IGF1R: variants seen among roughly 807,000 people sequenced by gnomAD.
IGF1R encodes the protein insulin-like growth factor 1 receptor.
A neutral mutation model predicts 144.6 loss-of-function variants in IGF1R; 44 were observed. The observed-to-expected ratio is 0.30, with a 90% confidence interval of 0.24 to 0.39. The LOEUF (loss-of-function observed/expected upper bound fraction) is 0.39. Among genes scored for constraint, IGF1R ranks in the 10% least tolerant of loss-of-function variants. IGF1R has a pLI of 1.00. For synonymous variants in IGF1R, 795 were observed against 722.8 expected (o/e 1.10, Z -1.60); for missense variants, 1,355 against 1,833.7 (o/e 0.74, Z 4.77).
intron 5 of IGF1R, among the ~76,000 whole-genome samples, chr15:98,900,919 A>G (rs562363172): frequency 5.9e-5 from 9 of 152,112 alleles, no homozygotes; most frequent in Admixed American, 5.2e-4. Flanking sequence ...GCTTAATGAT[A>G]TACTTTTTTG....
chr15:98,911,957 A>G (rs891691457), intron 7 of IGF1R, among the ~76,000 whole-genome samples: 6 of 152,226 alleles, frequency 3.9e-5, no homozygotes, highest in Admixed American at 6.5e-5. Context: ...AAAAGTGGAG[A>G]GAGAACAACC....
Position 98,959,897 on chromosome 15 carries a change from TTTA to T in IGF1R, c.*2458_*2460del, listed in dbSNP as rs1350977986. On this transcript the variant is annotated 3_prime_UTR_variant, in exon 21 of 21. Transcript: ENST00000650285. ...ATTATATGTAGGAGTTTTCTTTTAA[TTTA>T]TTTTGTGATAAATTACCAGTTTCAA... 4 of 232,284 alleles carry T rather than the reference TTTA, an allele frequency of 1.7e-5. No homozygotes were observed. Among genetic ancestry groups the T allele is most frequent in the African/African-American group, 9.0e-5 (4 of 44,612 alleles). 14.4% of individuals were successfully genotyped at this position (232,284 alleles called of 1,614,324 possible). A position where few individuals can be genotyped will look rare whatever the true frequency, so the allele number is the denominator to read the frequency against.
At chr15:98,832,086 G>A (rs1428010035) in intron 2 of IGF1R, among the ~76,000 whole-genome samples, 1 of 152,140 alleles carries the variant, frequency 6.6e-6, no homozygotes, top group African/African-American at 2.4e-5. Flanking sequence ...TCTGCTTCTT[G>A]GGTCTGGATC....
intron 2 of IGF1R, among the ~76,000 whole-genome samples, chr15:98,806,729 G>C (rs977905837): frequency 2.0e-5 from 3 of 152,116 alleles, no homozygotes; most frequent in African/African-American, 7.2e-5. Context: ...AGAAACACCC[G>C]TTCTCTGGCA....
intron 1 of IGF1R, among the ~76,000 whole-genome samples, chr15:98,681,854 G>T (rs1245369935): frequency 6.6e-6 from 1 of 152,174 alleles, no homozygotes; most frequent in Non-Finnish European, 1.5e-5. Context: ...TGTTTGCTAT[G>T]TGTGACCAAG....
chr15:98,942,478 C>T (rs1298794826), intron 18 of IGF1R, among the ~76,000 whole-genome samples: 2 of 152,074 alleles, frequency 1.3e-5, no homozygotes, highest in East Asian at 1.9e-4. Flanking sequence ...GGAACACAGG[C>T]GCACACCACC....
intron 2 of IGF1R, among the ~76,000 whole-genome samples, chr15:98,721,507 G>A (rs951634595): frequency 7.2e-5 from 11 of 152,308 alleles, no homozygotes; most frequent in Middle Eastern, 6.8e-3. Context: ...CTTGGGGGAG[G>A]AGGAAGGGAA....
chr15:98,874,396 C>T (rs1473168013), intron 2 of IGF1R, among the ~76,000 whole-genome samples: 1 of 152,122 alleles, frequency 6.6e-6, no homozygotes, highest in East Asian at 1.9e-4. Context: ...TAGGCAGTTT[C>T]AGAATTGGAA....
At chr15:98,661,017 A>C (rs1309798824) in intron 1 of IGF1R, among the ~76,000 whole-genome samples, 1 of 152,188 alleles carries the variant, frequency 6.6e-6, no homozygotes, top group Non-Finnish European at 1.5e-5. Context: ...ACCTTGAGTT[A>C]CAGGGTGGAC....
intron 2 of IGF1R, among the ~76,000 whole-genome samples, chr15:98,738,986 G>GAAAT (rs1555438180): frequency 6.6e-6 from 1 of 151,922 alleles, no homozygotes; most frequent in Non-Finnish European, 1.5e-5. Context: ...GAAACAACAG[G>GAAAT]AAGAACAAAA....
At position 98,727,013 on chromosome 15, in the gene IGF1R, A is replaced by C. The variant is rs566919130; in HGVS notation, c.640+18906A>C. 6.4e-4 allele frequency among the ~76,000 whole-genome samples: 98 copies of C among 152,014 alleles called. 3 individuals are homozygous for C. The South Asian group carries it at 0.02, about 31-fold the overall frequency. ...TGGGATTCTAGGTGTGAGCCGCCAC[A>C]CCTGGCCTGATGAATTATTTTCATG... On this transcript the variant is annotated intron_variant, in intron 2 of 20. Transcript: ENST00000650285.
chr15:98,779,033 T>C (rs1426278654), intron 2 of IGF1R, among the ~76,000 whole-genome samples: 1 of 152,240 alleles, frequency 6.6e-6, no homozygotes, highest in African/African-American at 2.4e-5. Flanking sequence ...TTAAAAATTA[T>C]GTTTTATTCT....
At chr15:98,808,631 C>T (rs1380663669) in intron 2 of IGF1R, among the ~76,000 whole-genome samples, 1 of 151,706 alleles carries the variant, frequency 6.6e-6, no homozygotes, top group Admixed American at 6.6e-5. Flanking sequence ...TCGTGTGGAA[C>T]CTAGGTCCTC....
At chr15:98,835,449 G>A (rs1272731193) in intron 2 of IGF1R, among the ~76,000 whole-genome samples, 4 of 152,216 alleles carry the variant, frequency 2.6e-5, no homozygotes. Context: ...GTGGCTTTAA[G>A]TAGAGATTTT....
rs371697501 is a variant in IGF1R, at chr15:98,865,617, G to GT, written c.641-25701dup. Among the ~76,000 whole-genome samples the GT allele has an allele frequency of 1.0e-3, 156 of 152,332 alleles. 2 individuals are homozygous for GT. Among genetic ancestry groups the GT allele is most frequent in the Non-Finnish European group, 1.3e-3 (88 of 68,020 alleles). ...TTTGGGAAGATATGAACTCCTTGGG[G>GT]TTTTTTTCTCTTTTAATTCTTTAAT... is the stretch of plus-strand genomic sequence containing the variant. On this transcript the variant is annotated intron_variant, in intron 2 of 20. Transcript: ENST00000650285.
intron 2 of IGF1R, among the ~76,000 whole-genome samples, chr15:98,760,394 CTA>C (rs2055265662): frequency 6.6e-6 from 1 of 151,938 alleles, no homozygotes; most frequent in East Asian, 1.9e-4. Context: ...AAAGTAATTA[CTA>C]TAGTGGTGGC....
intron 2 of IGF1R, 34 bp downstream of exon 2, chr15:98,708,141 C>CCT (rs747765995): frequency 5.8e-6 from 9 of 1,561,670 alleles, no homozygotes; most frequent in South Asian, 1.1e-5. Context: ...TTTCTCTCTG[C>CCT]CTCTCTCTCT....
At chr15:98,733,862 A>G (rs2054552493) in intron 2 of IGF1R, among the ~76,000 whole-genome samples, 1 of 152,146 alleles carries the variant, frequency 6.6e-6, no homozygotes, top group Non-Finnish European at 1.5e-5. Flanking sequence ...CATCTCTTCC[A>G]TCCCCTTTCT....
rs530309123 is a variant in IGF1R at position 98,805,305 on chromosome 15, A to G, written c.641-86020A>G. 3.3e-5 allele frequency among the ~76,000 whole-genome samples: 5 copies of G among 149,958 alleles called. No individual in the cohort carries two copies. In the East Asian group the frequency reaches 7.8e-4, roughly 24 times the overall value. On this transcript the variant is annotated intron_variant, in intron 2 of 20. Coordinates refer to ENST00000650285, the MANE Select transcript of IGF1R (RefSeq NM_000875.5). The stretch of plus-strand genomic sequence containing the variant: ...ATTCTCCTCCCCATCCCACACGCTG[A>G]TTTTTTTTTTCTTTGTGTTTGGCCG...
Sources: gnomAD v4.1 joint callset for allele counts (sites outside exome capture counted in the v4.1 genomes callset) on GRCh38, gnomAD v4.1.1 for gene constraint, MANE v1.5 for transcripts, NCBI Gene and HGNC (gene_info 2026-07-23, HGNC 2026-07-21) for gene names.